GRIK3: variants seen among roughly 807,000 people sequenced by gnomAD.
The protein encoded by GRIK3 is glutamate ionotropic receptor kainate type subunit 3.
A neutral mutation model predicts 102.5 loss-of-function variants in GRIK3; 29 were observed. The ratio of observed to expected loss-of-function variants is 0.28; its 90% CI spans 0.21 to 0.39. The LOEUF (loss-of-function observed/expected upper bound fraction) is 0.39, where lower values mean the gene tolerates loss of function less well. Among genes scored for constraint, GRIK3 ranks in the 10% least tolerant of loss-of-function variants. The pLI, the probability that GRIK3 is intolerant of heterozygous loss-of-function variation, is 1.00. For missense variants in GRIK3, 908 were observed against 1,252.4 expected (o/e 0.73, Z 4.15); for synonymous variants, 511 against 504.9 (o/e 1.01, Z -0.16).
chr1:36,934,129 G>C (rs1641627140), intron 1 of GRIK3, among the ~76,000 whole-genome samples: 1 of 152,166 alleles, frequency 6.6e-6, no homozygotes, highest in East Asian at 1.9e-4. Context: ...AGTCTTCCCT[G>C]AGGTCCTGGT....
intron 3 of GRIK3, among the ~76,000 whole-genome samples, chr1:36,873,543 C>T (rs1640865799): frequency 6.6e-6 from 1 of 152,186 alleles, no homozygotes; most frequent in Admixed American, 6.5e-5. Flanking sequence ...GGCCAGGTCC[C>T]AAGAGGGCCA....
chr1:36,959,027 CCTGTGTGCCCTGTGAGT>C (rs1426009453), intron 1 of GRIK3, among the ~76,000 whole-genome samples: 7 of 96,276 alleles, frequency 7.3e-5, no homozygotes, highest in Non-Finnish European at 9.7e-5. Context: ...GCCCCATGAG[CCTGTGTGCCCTGTGAGT>C]CTGTGTGCCC....
Position 36,817,245 on chromosome 1 carries a change from G to C in GRIK3, c.1906C>G (p.Arg636Gly). 6.2e-7 allele frequency: 1 copy of C among 1,613,248 alleles called. No individual in the cohort carries two copies. Among genetic ancestry groups the C allele is most frequent in the Non-Finnish European group, 8.5e-7 (1 of 1,179,194 alleles). Residue 636 changes from arginine to glycine, a missense_variant, in exon 13 of 16, where the codon CGC becomes GGC. Coordinates refer to ENST00000373091, the MANE Select transcript of GRIK3 (RefSeq NM_000831.4). ...SELMPKALST[R>G]IIGGIWWFFT... The stretch of plus-strand genomic sequence containing the variant: ...AACCACCAGATGCCACCAATGATGC[G>C]TGTGGACAGGGCTTTGGGCATCAGC...
At position 36,820,471 on chromosome 1, in the gene GRIK3, T is replaced by C. The variant is rs565469228; in HGVS notation, c.1755-617A>G. 1.9e-4 allele frequency among the ~76,000 whole-genome samples: 29 copies of C among 152,344 alleles called. No homozygotes were observed. The South Asian group carries it at 5.8e-3, about 30-fold the overall frequency. ...CTATTCAGTGCTTTATGTATACTCA[T>C]ATGCAAATGCATACTAAAGGGTCTG... On this transcript the variant is annotated intron_variant, in intron 11 of 15. Coordinates refer to ENST00000373091, the MANE Select transcript of GRIK3 (RefSeq NM_000831.4).
At chr1:36,996,881 A>T (rs1172093105) in intron 1 of GRIK3, among the ~76,000 whole-genome samples, 1 of 152,206 alleles carries the variant, frequency 6.6e-6, no homozygotes, top group South Asian at 2.1e-4. Context: ...CATCTCCCCA[A>T]GGATATTTGG....
chr1:37,010,065 G>T (rs1294189337), intron 1 of GRIK3, among the ~76,000 whole-genome samples: 1 of 152,180 alleles, frequency 6.6e-6, no homozygotes, highest in Non-Finnish European at 1.5e-5. Flanking sequence ...CTTTGGGGGT[G>T]GCTGGGTTTC....
intron 1 of GRIK3, among the ~76,000 whole-genome samples, chr1:36,947,744 C>G (rs1421701488): frequency 6.6e-6 from 1 of 152,158 alleles, no homozygotes; most frequent in East Asian, 1.9e-4. Flanking sequence ...TTTCTATCCT[C>G]CTGCCCCCCC....
At chr1:36,891,390 A>G (rs1641113838) in intron 1 of GRIK3, among the ~76,000 whole-genome samples, 2 of 152,254 alleles carry the variant, frequency 1.3e-5, no homozygotes, top group African/African-American at 2.4e-5. Flanking sequence ...AGCAAGCAGA[A>G]TCTACCAGGA....
rs559248787 is a variant in GRIK3 at position 36,856,624 on chromosome 1, G to A, written c.1104+2484C>T. 7.8e-4 allele frequency among the ~76,000 whole-genome samples: 119 copies of A among 152,344 alleles called. 1 individual carries two copies. In the Middle Eastern group the frequency reaches 0.014, roughly 17 times the overall value. On this transcript the variant is annotated intron_variant, in intron 7 of 15. Transcript: ENST00000373091. ...CCAGCTGTGGGACCACAGGTACCAC[G>A]GGGCTATTCTGGGCCTTAGCCATGT...
intron 14 of GRIK3, 134 bp from the exon 15 acceptor site, chr1:36,805,371 G>T: frequency 1.2e-6 from 1 of 830,622 alleles, no homozygotes; most frequent in Non-Finnish European, 1.9e-6. Context: ...CTATCCCTGT[G>T]AGTCCCCTTT....
At chr1:36,989,971 C>T (rs143971234) in intron 1 of GRIK3, among the ~76,000 whole-genome samples, 85 of 152,284 alleles carry the variant, frequency 5.6e-4, no homozygotes, top group African/African-American at 1.9e-3. Flanking sequence ...ACGCTTGATT[C>T]GGATGGGAGA....
At chr1:37,030,759 A>G (rs1350446224) in intron 1 of GRIK3, among the ~76,000 whole-genome samples, 1 of 152,082 alleles carries the variant, frequency 6.6e-6, no homozygotes, top group Non-Finnish European at 1.5e-5. Context: ...TGAGGAGAGA[A>G]CTAACCATGA....
At chr1:36,979,289 T>C (rs1348612171) in intron 1 of GRIK3, among the ~76,000 whole-genome samples, 1 of 152,250 alleles carries the variant, frequency 6.6e-6, no homozygotes, top group Non-Finnish European at 1.5e-5. Context: ...ACCAATGGCA[T>C]GTGCCAATGA....
chr1:36,803,311 A>G (rs1383782758), intron 15 of GRIK3, among the ~76,000 whole-genome samples: 1 of 152,202 alleles, frequency 6.6e-6, no homozygotes, highest in African/African-American at 2.4e-5. Context: ...TCAGGACTGA[A>G]CAGGAGTGGA....
intron 1 of GRIK3, among the ~76,000 whole-genome samples, chr1:36,996,099 C>T (rs994558030): frequency 1.3e-5 from 2 of 152,238 alleles, no homozygotes; most frequent in Admixed American, 6.5e-5. Context: ...ACTTCTTCCA[C>T]GTCAGGCCAA....
intron 1 of GRIK3, among the ~76,000 whole-genome samples, chr1:36,909,766 G>T (rs911811109): frequency 2.0e-5 from 3 of 152,148 alleles, no homozygotes; most frequent in African/African-American, 7.2e-5. Context: ...GCCAGAGTTG[G>T]GGAGGAGGGG....
At position 36,800,416 on chromosome 1, in the gene GRIK3, G is replaced by C. The variant is rs889408528; in HGVS notation, c.*1435C>G. ...AGACTCTTAAAGTCACAGACCTCTA[G>C]AGCATTCATCACAGCAAGCTGGAAC... On this transcript the variant is annotated 3_prime_UTR_variant, in exon 16 of 16. Coordinates refer to ENST00000373091, the MANE Select transcript of GRIK3 (RefSeq NM_000831.4). 1 of 152,196 alleles carries C rather than the reference G, an allele frequency of 6.6e-6. No individual in the cohort carries two copies. The highest frequency in any genetic ancestry group is 2.4e-5 in the African/African-American group (1 of 41,436). The allele number at this position is 152,196 out of a possible 1,614,324, so 9.4% of individuals were successfully genotyped here.
chr1:36,811,684 G>A lies in GRIK3; in HGVS notation c.2092-5358C>T, dbSNP rs147652214. Among the ~76,000 whole-genome samples the A allele has an allele frequency of 5.1e-3, 782 of 152,206 alleles. 10 individuals carry two copies. The highest frequency in any genetic ancestry group is 0.018 in the African/African-American group (739 of 41,526). On this transcript the variant is annotated intron_variant, in intron 13 of 15. Transcript: ENST00000373091. ...GTAATCTGCCCCAGGAGGGAATTTC[G>A]GGGCAAGAGGAAAGGGTCCAGCCTG...
intron 9 of GRIK3, among the ~76,000 whole-genome samples, chr1:36,844,569 T>C (rs957112068): frequency 1.3e-5 from 2 of 152,166 alleles, no homozygotes; most frequent in African/African-American, 4.8e-5. Flanking sequence ...AGAGAGAAGG[T>C]ACCATCTTTC....
Sources: allele counts gnomAD v4.1 joint callset (sites outside exome capture counted in the v4.1 genomes callset), GRCh38; gene constraint gnomAD v4.1.1; transcripts MANE v1.5; gene names NCBI Gene and HGNC (gene_info 2026-07-23, HGNC 2026-07-21).